Variants in CCDC73 observed in about 807,000 individuals in gnomAD.
The protein encoded by CCDC73 is coiled-coil domain-containing protein 73.
CCDC73 carries 95 observed loss-of-function variants against 116.5 expected under a neutral mutation model. The ratio of observed to expected loss-of-function variants is 0.82; its 90% CI spans 0.69 to 0.97. The LOEUF is 0.97. Among genes scored for constraint, CCDC73 ranks in the 50% least tolerant of loss-of-function variants. The probability of loss-of-function intolerance (pLI) is 0.00; values close to 1 mark genes in which losing one functional copy is unlikely to be tolerated. For missense variants in CCDC73, 1,066 were observed against 1,206.8 expected (o/e 0.88, Z 1.73); for synonymous variants, 398 against 401.3 (o/e 0.99, Z 0.10).
At chr11:32,739,693 T>C (rs2133355389) in intron 2 of CCDC73, among the ~76,000 whole-genome samples, 1 of 152,164 alleles carries the variant, frequency 6.6e-6, no homozygotes, top group East Asian at 1.9e-4. Context: ...TTATTTATTC[T>C]TGTCTGATTG....
At chr11:32,763,782 G>T (rs1850414480) in intron 1 of CCDC73, among the ~76,000 whole-genome samples, 1 of 152,262 alleles carries the variant, frequency 6.6e-6, no homozygotes, top group South Asian at 2.1e-4. Flanking sequence ...TTGACGATTT[G>T]AGAGAAGAAG....
At chr11:32,660,098 A>G (rs1413317972) in intron 9 of CCDC73, among the ~76,000 whole-genome samples, 1 of 152,152 alleles carries the variant, frequency 6.6e-6, no homozygotes, top group East Asian at 1.9e-4. Context: ...TAATGTTATA[A>G]AAATTACAGA....
intron 2 of CCDC73, among the ~76,000 whole-genome samples, chr11:32,757,760 A>C (rs926887768): frequency 2.0e-5 from 3 of 152,086 alleles, no homozygotes; most frequent in African/African-American, 7.2e-5. Context: ...CCACTATCAC[A>C]TCTCTTTCTC....
At chr11:32,735,223 T>G (rs2133350252) in intron 2 of CCDC73, among the ~76,000 whole-genome samples, 1 of 152,178 alleles carries the variant, frequency 6.6e-6, no homozygotes, top group East Asian at 1.9e-4. Flanking sequence ...AAAGAGGAAG[T>G]CAAATTGTCC....
intron 6 of CCDC73, among the ~76,000 whole-genome samples, chr11:32,691,219 T>C (rs1309206343): frequency 6.6e-6 from 1 of 152,048 alleles, no homozygotes; most frequent in Admixed American, 6.6e-5. Context: ...CAAATTTTTG[T>C]ATTTTTAGTA....
At chr11:32,642,777 T>A (rs1210732774) in intron 12 of CCDC73, among the ~76,000 whole-genome samples, 1 of 151,870 alleles carries the variant, frequency 6.6e-6, no homozygotes, top group South Asian at 2.1e-4. Flanking sequence ...ATAGAACTCC[T>A]ACCTACATGC....
chr11:32,669,391 A>G (rs1394985595), intron 9 of CCDC73, among the ~76,000 whole-genome samples: 1 of 152,156 alleles, frequency 6.6e-6, no homozygotes. Context: ...TGATATACGT[A>G]TGCAGTGTGT....
chr11:32,816,795 T>A, the CCDC73 span, among the ~76,000 whole-genome samples: 1 of 152,220 alleles, frequency 6.6e-6, no homozygotes, highest in South Asian at 2.1e-4. Flanking sequence ...TTTCTTTTTA[T>A]TTTTTGAGAT....
At chr11:32,627,221 T>G (rs3981866) in intron 14 of CCDC73, among the ~76,000 whole-genome samples, 114,706 of 152,154 alleles carry the variant, frequency 0.75, 44,422 homozygotes, top group African/African-American at 0.86. Context: ...ATGAAAAAAT[T>G]CTCATCATCA....
chr11:32,750,639 A>G (rs936085311), intron 2 of CCDC73, among the ~76,000 whole-genome samples: 1 of 152,180 alleles, frequency 6.6e-6, no homozygotes, highest in Admixed American at 6.5e-5. Context: ...GCCAACAGGG[A>G]GTATTGACAG....
At chr11:32,669,461 T>G (rs1033708063) in intron 9 of CCDC73, among the ~76,000 whole-genome samples, 3 of 152,210 alleles carry the variant, frequency 2.0e-5, no homozygotes, top group African/African-American at 7.2e-5. Flanking sequence ...GTTTGTGTTA[T>G]AAAAAATCCA....
At chr11:32,739,235 C>G (rs1397911942) in intron 2 of CCDC73, among the ~76,000 whole-genome samples, 2 of 151,862 alleles carry the variant, frequency 1.3e-5, no homozygotes, top group African/African-American at 4.8e-5. Flanking sequence ...CTGAAGAATG[C>G]CATTAATATT....
intron 3 of CCDC73, among the ~76,000 whole-genome samples, chr11:32,707,459 C>T (rs949424970): frequency 6.6e-6 from 1 of 151,686 alleles, no homozygotes; most frequent in East Asian, 1.9e-4. Context: ...ATAGTCAACA[C>T]CTATTTGTTT....
intron 2 of CCDC73, among the ~76,000 whole-genome samples, chr11:32,739,250 T>C (rs1401026936): frequency 2.0e-5 from 3 of 152,278 alleles, no homozygotes; most frequent in Non-Finnish European, 4.4e-5. Flanking sequence ...AATATTTTCA[T>C]TGGCATTGCT....
chr11:32,705,085 C>T (rs956628401), intron 3 of CCDC73, among the ~76,000 whole-genome samples: 1 of 152,234 alleles, frequency 6.6e-6, no homozygotes, highest in African/African-American at 2.4e-5. Context: ...CGCTATAGCT[C>T]TCCCAGCCTC....
intron 1 of CCDC73, among the ~76,000 whole-genome samples, chr11:32,766,170 C>T (rs1304013844): frequency 2.6e-5 from 4 of 152,096 alleles, no homozygotes; most frequent in African/African-American, 4.8e-5. Context: ...AATCAATAAA[C>T]GTAATCCAGC....
intron 2 of CCDC73, among the ~76,000 whole-genome samples, chr11:32,748,871 T>C (rs1850263316): frequency 6.6e-6 from 1 of 152,280 alleles, no homozygotes; most frequent in Non-Finnish European, 1.5e-5. Flanking sequence ...CATAAATATG[T>C]CCTGGCCTGT....
At chr11:32,790,552 T>C (rs191225277) in intron 1 of CCDC73, among the ~76,000 whole-genome samples, 248 of 152,270 alleles carry the variant, frequency 1.6e-3, no homozygotes, top group African/African-American at 5.7e-3. Context: ...TTTTATTAAA[T>C]TGCTATAAAT....
the CCDC73 span, among the ~76,000 whole-genome samples, chr11:32,814,754 T>C: frequency 3.9e-5 from 6 of 152,152 alleles, no homozygotes; most frequent in Non-Finnish European, 8.8e-5. Flanking sequence ...TTATTCATAA[T>C]AGTCAAAAAA....
Sources: gnomAD v4.1 joint callset for allele counts (sites outside exome capture counted in the v4.1 genomes callset) on GRCh38, gnomAD v4.1.1 for gene constraint, MANE v1.5 for transcripts, NCBI Gene and HGNC (gene_info 2026-07-23, HGNC 2026-07-21) for gene names.